Variants in LIM2 observed in about 807,000 individuals in gnomAD.
The protein encoded by LIM2 is lens fiber membrane intrinsic protein.
Under a neutral mutation model 19.0 loss-of-function variants are expected in LIM2, and 14 were observed. The ratio of observed to expected loss-of-function variants is 0.74; its 90% CI spans 0.49 to 1.15. The LOEUF (loss-of-function observed/expected upper bound fraction) is 1.15, where lower values mean the gene tolerates loss of function less well. Among genes scored for constraint, LIM2 ranks in the 50% most tolerant of loss-of-function variants. The probability of loss-of-function intolerance (pLI) is 0.00; values close to 1 mark genes in which losing one functional copy is unlikely to be tolerated. For missense variants in LIM2, 230 were observed against 243.5 expected, an observed-to-expected ratio of 0.94 and a Z score of 0.37; for synonymous variants, 78 against 89.6, an observed-to-expected ratio of 0.87 and a Z score of 0.73.
chr19:51,380,361 T>A (rs1350554353), intron 4 of LIM2, 99 bp from the exon 5 acceptor site: 13 of 1,573,802 alleles, frequency 8.3e-6, no homozygotes, highest in African/African-American at 1.4e-5. Context: ...TCCCTGGGTA[T>A]CCCCGACCCC....
At chr19:51,382,005 GGCGT>G (rs1986905516) in intron 3 of LIM2, among the ~76,000 whole-genome samples, 1 of 152,320 alleles carries the variant, frequency 6.6e-6, no homozygotes, top group South Asian at 2.1e-4. Flanking sequence ...TGGAATTACG[GGCGT>G]GAGCCATCGC....
At position 51,380,501 on chromosome 19, in the gene LIM2, G is replaced by A; in HGVS notation, c.460+4C>T. ...CTGACCTTCCCACCCCTTGCCCCCA[G>A]TACCTGCGAAGAACGTCATGAGCAC... On this transcript the variant is annotated splice_donor_region_variant and intron_variant, in intron 4 of 4. Transcript: ENST00000596399. 6.2e-7 allele frequency: 1 copy of A among 1,614,118 alleles called. No individual in the cohort carries two copies. Among genetic ancestry groups the A allele is most frequent in the Non-Finnish European group, 8.5e-7 (1 of 1,180,020 alleles).
intron 2 of LIM2, among the ~76,000 whole-genome samples, chr19:51,385,166 C>T (rs1485969580): frequency 2.0e-5 from 3 of 151,958 alleles, no homozygotes; most frequent in East Asian, 1.9e-4. Context: ...CATCTGAAGC[C>T]GGGAGTTTGA....
Position 51,382,507 on chromosome 19 carries a change from A to T in LIM2, c.236T>A (p.Ile79Asn), listed in dbSNP as rs1389064501. 1.9e-6 allele frequency: 3 copies of T among 1,613,946 alleles called. No individual in the cohort carries two copies. The highest frequency in any genetic ancestry group is 2.5e-6 in the Non-Finnish European group (3 of 1,179,934). The stretch of plus-strand genomic sequence containing the variant: ...AGCGAAGGCCATGATGCCCATGATG[A>T]TGCCGGAGATGGCGCATAGGGCAGA... ...ILSALCAISG[I>N]IMGIMAFAHQ... The change falls in exon 3 of 5, where the codon ATC (isoleucine) becomes AAC (asparagine). Residue 79 changes from isoleucine to asparagine, a missense_variant. Coordinates refer to ENST00000596399, the MANE Select transcript of LIM2 (RefSeq NM_001161748.2).
At chr19:51,380,330 C>T in intron 4 of LIM2, 68 bp from the exon 5 acceptor site, 1 of 1,578,550 alleles carries the variant, frequency 6.3e-7, no homozygotes, top group Non-Finnish European at 8.7e-7. Context: ...CCCAAGAGAG[C>T]CCAACACCCT....
At chr19:51,380,333 A>T (rs1331793338) in intron 4 of LIM2, 71 bp from the exon 5 acceptor site, 1 of 1,577,636 alleles carries the variant, frequency 6.3e-7, no homozygotes, top group East Asian at 2.2e-5. Context: ...AAGAGAGCCC[A>T]ACACCCTACT....
intron 1 of LIM2, 120 bp from the exon 2 acceptor site, chr19:51,387,569 C>A: frequency 7.0e-7 from 1 of 1,427,650 alleles, no homozygotes; most frequent in Non-Finnish European, 9.6e-7. Context: ...AGATGGAGAC[C>A]TAGACGCCTG....
Position 51,385,810 on chromosome 19 carries a change from G to A in LIM2, c.175+1459C>T, listed in dbSNP as rs11669190. Among the ~76,000 whole-genome samples, 423 of 152,280 alleles carry A rather than the reference G, an allele frequency of 2.8e-3. 1 individual carries two copies. The highest frequency in any genetic ancestry group is 4.6e-3 in the Admixed American group (71 of 15,296). ...TCTACCTCTCCAGCAAACAGGCATC[G>A]TCCTGCCTCTCTCTCAGGGCTGGCT... On this transcript the variant is annotated intron_variant, in intron 2 of 4. Coordinates refer to ENST00000596399, the MANE Select transcript of LIM2 (RefSeq NM_001161748.2).
chr19:51,380,240 G>C lies in LIM2; in HGVS notation c.483C>G (p.Tyr161Ter). The change falls in exon 5 of 5, where the codon TAC (tyrosine) becomes TAG (stop). Residue 161 changes from tyrosine to a stop codon, truncating the protein, a stop_gained. Coordinates refer to ENST00000596399, the MANE Select transcript of LIM2 (RefSeq NM_001161748.2). LOFTEE classifies it high-confidence loss of function. ...FFAGIFYMCA[Y>*]RVHECRRLST... ...ACAGGCGCCGGCATTCATGCACCCG[G>C]TAGGCGCACATGTAGAAAATCCCTG... 6.2e-7 allele frequency: 1 copy of C among 1,613,650 alleles called. No homozygotes were observed. The highest frequency in any genetic ancestry group is 1.7e-5 in the Admixed American group (1 of 59,936).
chr19:51,386,825 G>A (rs551848885), intron 2 of LIM2, among the ~76,000 whole-genome samples: 1 of 151,788 alleles, frequency 6.6e-6, no homozygotes, highest in East Asian at 1.9e-4. Context: ...ATGCTATGCA[G>A]CAAGCAATAT....
At position 51,380,064 on chromosome 19, in the gene LIM2, TC is replaced by T; in HGVS notation, c.*136del. On this transcript the variant is annotated 3_prime_UTR_variant, in exon 5 of 5. Coordinates refer to ENST00000596399, the MANE Select transcript of LIM2 (RefSeq NM_001161748.2). ...TCCAGCCTAGGACCAGGAGTCAGCC[TC>T]CCCCCACAAACCCACAGTCCAGAAC... is the stretch of plus-strand genomic sequence containing the variant. The T allele has an allele frequency of 1.2e-6, 1 of 801,392 alleles. No individual in the cohort carries two copies. The highest frequency in any genetic ancestry group is 2.1e-6 in the Non-Finnish European group (1 of 471,520). The allele number at this position is 801,392 out of a possible 1,614,324, so 49.6% of individuals were successfully genotyped here.
At chr19:51,384,941 C>T (rs1475173952) in intron 2 of LIM2, among the ~76,000 whole-genome samples, 1 of 152,166 alleles carries the variant, frequency 6.6e-6, no homozygotes, top group African/African-American at 2.4e-5. Flanking sequence ...TAGCTCACTG[C>T]AGCCTTAAAC....
intron 2 of LIM2, 133 bp from the exon 3 acceptor site, chr19:51,382,700 C>G: frequency 8.2e-7 from 1 of 1,215,348 alleles, no homozygotes; most frequent in Non-Finnish European, 1.2e-6. Flanking sequence ...TTTGCAAATG[C>G]CCTCTTCTTC....
chr19:51,382,640 A>C (rs1295862605), intron 2 of LIM2, 73 bp from the exon 3 acceptor site: 2 of 1,596,888 alleles, frequency 1.3e-6, no homozygotes, highest in Admixed American at 1.7e-5. Context: ...CTCTGAGATG[A>C]AAATGCCTTG....
intron 2 of LIM2, among the ~76,000 whole-genome samples, chr19:51,385,499 G>T (rs1987014279): frequency 6.6e-6 from 1 of 152,158 alleles, no homozygotes; most frequent in Non-Finnish European, 1.5e-5. Context: ...TCTGGCAGGG[G>T]TGACAGAGCG....
chr19:51,380,012 C>G lies in LIM2; in HGVS notation c.*189G>C, dbSNP rs1281441900. 1.6e-6 allele frequency: 1 copy of G among 628,380 alleles called. No homozygotes were observed. The highest frequency in any genetic ancestry group is 2.8e-6 in the Non-Finnish European group (1 of 352,702). The allele number at this position is 628,380 out of a possible 1,614,324, so 38.9% of individuals were successfully genotyped here. A position where few individuals can be genotyped will look rare whatever the true frequency, so the allele number is the denominator to read the frequency against. On this transcript the variant is annotated 3_prime_UTR_variant, in exon 5 of 5. Coordinates refer to ENST00000596399, the MANE Select transcript of LIM2 (RefSeq NM_001161748.2). ...ACGGGGACTTGAGTCTTCTCAGCTC[C>G]CTCCCATGGGCCCTATTCTTCCTCC...
chr19:51,382,625 G>A (rs1289403982), intron 2 of LIM2, 58 bp from the exon 3 acceptor site: 11 of 1,606,614 alleles, frequency 6.8e-6, no homozygotes, highest in Non-Finnish European at 9.4e-6. Context: ...GAGAGATGCT[G>A]CTACCTCTGA....
intron 2 of LIM2, among the ~76,000 whole-genome samples, chr19:51,385,315 A>G (rs1446736645): frequency 6.6e-6 from 1 of 152,144 alleles, no homozygotes; most frequent in Non-Finnish European, 1.5e-5. Flanking sequence ...TGAGGTCAGG[A>G]GTTCGAGACC....
rs776429566 is a variant in LIM2, at chr19:51,387,270, G to A, written c.174C>T (p.Ile58=). 50 of 1,613,876 alleles carry A rather than the reference G, an allele frequency of 3.1e-5. No individual in the cohort carries two copies. The highest frequency in any genetic ancestry group is 1.6e-4 in the East Asian group (7 of 44,860). The change falls in exon 2 of 5, where the codon ATC becomes ATT. Residue 58 remains isoleucine, a splice_region_variant and synonymous_variant. Coordinates refer to ENST00000596399, the MANE Select transcript of LIM2 (RefSeq NM_001161748.2). ...GNKCYLQTDS[I]AYWNATRAFM... The stretch of plus-strand genomic sequence containing the variant: ...CTGGACCCTGGCCGGGGGGCTCACC[G>A]ATGCTGTCTGTCTGCAGGTAGCACT...
Sources: gnomAD v4.1 joint callset for allele counts (sites outside exome capture counted in the v4.1 genomes callset) on GRCh38, gnomAD v4.1.1 for gene constraint, MANE v1.5 for transcripts, NCBI Gene and HGNC (gene_info 2026-07-23, HGNC 2026-07-21) for gene names.